The following COL23A1 variants were observed in gnomAD, a reference collection of about 807,000 sequenced individuals.
The protein encoded by COL23A1 is collagen type XXIII alpha 1 chain, also known as collagen alpha-1(XXIII) chain.
In COL23A1, 97 loss-of-function variants were observed where a neutral mutation model predicts 99.3. The observed-to-expected ratio is 0.98, with a 90% CI of 0.83 to 1.16. COL23A1 has a LOEUF of 1.16. COL23A1 is among the 50% of genes most tolerant of loss of function. The pLI, the probability that COL23A1 is intolerant of heterozygous loss-of-function variation, is 0.00. For synonymous variants in COL23A1, 320 were observed against 308.2 expected, an observed-to-expected ratio of 1.04 and a Z score of -0.40; for missense variants, 762 against 757.4, an observed-to-expected ratio of 1.01 and a Z score of -0.07.
intron 1 of COL23A1, among the ~76,000 whole-genome samples, chr5:178,560,976 G>A (rs1186798855): frequency 6.6e-6 from 1 of 152,200 alleles, no homozygotes; most frequent in African/African-American, 2.4e-5. Flanking sequence ...CTGAAAAGGT[G>A]GCAGGTTTCT....
chr5:178,339,253 G>A (rs544817031), intron 2 of COL23A1, among the ~76,000 whole-genome samples: 4 of 152,272 alleles, frequency 2.6e-5, no homozygotes, highest in Admixed American at 2.0e-4. Context: ...AACCTCCTAA[G>A]AGATGGACAG....
chr5:178,581,604 G>A (rs942328836), intron 1 of COL23A1, among the ~76,000 whole-genome samples: 15 of 150,304 alleles, frequency 1.0e-4, no homozygotes, highest in South Asian at 2.1e-4. Flanking sequence ...AACAAAGCCC[G>A]AAAGACATCC....
chr5:178,287,609 G>A (rs539441181), intron 5 of COL23A1, among the ~76,000 whole-genome samples: 36 of 152,250 alleles, frequency 2.4e-4, no homozygotes, highest in Admixed American at 1.5e-3. Context: ...GATCTGTCCC[G>A]AATCAGCCAG....
chr5:178,358,609 G>T, intron 2 of COL23A1, among the ~76,000 whole-genome samples: 1 of 143,458 alleles, frequency 7.0e-6, no homozygotes, highest in South Asian at 2.3e-4. Flanking sequence ...ATGTGTGTAT[G>T]CGTGTATGTA....
At chr5:178,423,346 T>A (rs1765736545) in intron 2 of COL23A1, among the ~76,000 whole-genome samples, 1 of 152,110 alleles carries the variant, frequency 6.6e-6, no homozygotes, top group Non-Finnish European at 1.5e-5. Flanking sequence ...TATCTGGTAA[T>A]CCTGGCAGCA....
chr5:178,576,215 C>T (rs914895078), intron 1 of COL23A1, among the ~76,000 whole-genome samples: 3 of 152,150 alleles, frequency 2.0e-5, no homozygotes, highest in African/African-American at 7.2e-5. Context: ...CCCTGCTGCC[C>T]AATAGCCCAC....
chr5:178,527,487 G>A (rs1487632263), intron 2 of COL23A1, among the ~76,000 whole-genome samples: 4 of 152,238 alleles, frequency 2.6e-5, no homozygotes, highest in African/African-American at 4.8e-5. Context: ...CTAAGAGAAC[G>A]TCTCCTGCTC....
chr5:178,459,839 A>G (rs996003845), intron 2 of COL23A1, among the ~76,000 whole-genome samples: 3 of 152,294 alleles, frequency 2.0e-5, no homozygotes, highest in Middle Eastern at 3.4e-3. Context: ...ACATGGAGAA[A>G]TGTTCATGAT....
chr5:178,510,404 T>C (rs561555574), intron 2 of COL23A1, among the ~76,000 whole-genome samples: 14 of 152,210 alleles, frequency 9.2e-5, no homozygotes, highest in African/African-American at 2.9e-4. Context: ...TAGCCAGGTG[T>C]GGTGGTGCAC....
In COL23A1 at chr5:178,523,201, T is replaced by TAGAGAGAGAG. The variant is rs70997609; in HGVS notation, c.361+37471_361+37480dup. 6.7e-3 allele frequency among the ~76,000 whole-genome samples: 516 copies of TAGAGAGAGAG among 77,518 alleles called. 2 individuals carry two copies. Among genetic ancestry groups the TAGAGAGAGAG allele is most frequent in the Non-Finnish European group, 9.0e-3 (356 of 39,594 alleles). 50.9% of individuals were successfully genotyped at this position (77,518 alleles called of 152,430 possible). A position where few individuals can be genotyped will look rare whatever the true frequency, so the allele number is the denominator to read the frequency against. On this transcript the variant is annotated intron_variant, in intron 2 of 28. Transcript: ENST00000390654. ...ATACACATATATATATATATATATA[T>TAGAGAGAGAG]AGAGAGAGAGAGAGAGAGAGAGAGA...
chr5:178,319,535 G>A (rs1052708469), intron 2 of COL23A1, among the ~76,000 whole-genome samples: 4 of 152,208 alleles, frequency 2.6e-5, no homozygotes, highest in African/African-American at 9.6e-5. Flanking sequence ...GGGCATGGCC[G>A]GTGGGCGTGG....
At chr5:178,581,302 A>C (rs1471905713) in intron 1 of COL23A1, among the ~76,000 whole-genome samples, 1 of 152,230 alleles carries the variant, frequency 6.6e-6, no homozygotes, top group Non-Finnish European at 1.5e-5. Flanking sequence ...GTGGTGGCTC[A>C]TGCCTGTAAT....
At chr5:178,430,621 C>T (rs1486135394) in intron 2 of COL23A1, among the ~76,000 whole-genome samples, 2 of 152,184 alleles carry the variant, frequency 1.3e-5, no homozygotes, top group African/African-American at 4.8e-5. Context: ...GGGCTCCTGC[C>T]TGATGTCCAG....
chr5:178,490,771 T>C (rs1271714921), intron 2 of COL23A1, among the ~76,000 whole-genome samples: 3 of 152,088 alleles, frequency 2.0e-5, no homozygotes, highest in African/African-American at 7.2e-5. Context: ...AGCGAGACCC[T>C]GTCTCAAAAG....
At chr5:178,461,400 G>A (rs1453366990) in intron 2 of COL23A1, among the ~76,000 whole-genome samples, 1 of 152,242 alleles carries the variant, frequency 6.6e-6, no homozygotes, top group Non-Finnish European at 1.5e-5. Context: ...CATCCCCAGT[G>A]CCTCTAGCTT....
intron 2 of COL23A1, among the ~76,000 whole-genome samples, chr5:178,493,464 C>T (rs77428713): frequency 6.6e-6 from 1 of 152,236 alleles, no homozygotes; most frequent in Non-Finnish European, 1.5e-5. Context: ...CCTCCATCCA[C>T]GTGGGCCACC....
chr5:178,266,870 C>T (rs951886034), intron 8 of COL23A1, among the ~76,000 whole-genome samples: 1 of 152,238 alleles, frequency 6.6e-6, no homozygotes. Context: ...GGGGCTGTTC[C>T]CCCATTCACA....
At chr5:178,502,191 G>A (rs1357514068) in intron 2 of COL23A1, among the ~76,000 whole-genome samples, 2 of 152,204 alleles carry the variant, frequency 1.3e-5, no homozygotes, top group Admixed American at 6.5e-5. Flanking sequence ...GAGTGCAGTG[G>A]CGTGATCTCG....
chr5:178,255,184 G>A lies in COL23A1; in HGVS notation c.883-158C>T, dbSNP rs75492078. Among the ~76,000 whole-genome samples the A allele has an allele frequency of 3.3e-5, 5 of 151,928 alleles. No homozygotes were observed. The highest frequency in any genetic ancestry group is 2.1e-4 in the South Asian group (1 of 4,808). On this transcript the variant is annotated intron_variant, in intron 15 of 28. Coordinates refer to ENST00000390654, the MANE Select transcript of COL23A1 (RefSeq NM_173465.4). This position sits in a 1 kb window ranked among gnomAD's most constrained non-coding sequence, Gnocchi z 4.2. ...CCTCCCCAGGGTGGATGGAGGGAACGGGAGGCAGGCCCTGTGGCCAGCTGA... is the reference window on the plus strand; with the variant it reads ...CCTCCCCAGGGTGGATGGAGGGAACAGGAGGCAGGCCCTGTGGCCAGCTGA...
Sources: allele counts gnomAD v4.1 joint callset (sites outside exome capture counted in the v4.1 genomes callset), GRCh38; gene constraint gnomAD v4.1.1; non-coding constraint Gnocchi (gnomAD v3.1); transcripts MANE v1.5; gene names NCBI Gene and HGNC (gene_info 2026-07-23, HGNC 2026-07-21).